Variants in PIEZO2 observed in about 807,000 individuals in gnomAD.
PIEZO2 encodes the protein piezo-type mechanosensitive ion channel component 2.
PIEZO2 carries 172 observed loss-of-function variants against 337.3 expected under a neutral mutation model. The observed-to-expected ratio is 0.51, with a 90% CI of 0.45 to 0.58. PIEZO2 has a LOEUF of 0.58. PIEZO2 is among the 20% of genes least tolerant of loss of function. The pLI is 0.00. For synonymous variants in PIEZO2, 1,251 were observed against 1,228.5 expected (o/e 1.02, Z -0.38); for missense variants, 3,028 against 3,391.3 (o/e 0.89, Z 2.66).
At chr18:10,735,382 T>C (rs896676663) in intron 34 of PIEZO2, among the ~76,000 whole-genome samples, 52 bp from the exon 35 acceptor site, 6 of 152,138 alleles carry the variant, frequency 3.9e-5, no homozygotes, top group Non-Finnish European at 7.4e-5. Context: ...CAAAAACTAG[T>C]AATTTAATAT....
rs1403852584 is a variant in PIEZO2 at position 10,797,516 on chromosome 18, C to T, written c.1385G>A (p.Arg462Gln). 3 of 1,536,682 alleles carry T rather than the reference C, an allele frequency of 2.0e-6. No homozygotes were observed. The highest frequency in any genetic ancestry group is 2.4e-5 in the East Asian group (1 of 40,866). Residue 462 changes from arginine (R) to glutamine (Q), a missense_variant, in exon 12 of 56, where the codon CGA becomes CAA. This residue lies in a region of PIEZO2 where 542 missense variants were observed against 605.6 expected (regional missense o/e 0.89). Transcript: ENST00000674853. ...TTCTTTCTCTTCCTCTTCCTCCTCT[C>T]GCTTTTCTAGATGGACGAATACTTT... ...WEPSDESSEK[R>Q]EEEEEEKEEF...
rs1416535783 is a variant in PIEZO2 at position 11,048,828 on chromosome 18, GT to G, written c.160+17298del. ...GTTGCCTGGCATATAGCTATACTGT[GT>G]TTCCTGTTTATTCTTCTTATAATTA... On this transcript the variant is annotated intron_variant, in intron 2 of 55. Transcript: ENST00000674853. This position sits in a 1 kb window ranked among gnomAD's most constrained non-coding sequence, Gnocchi z 4.5. Among the ~76,000 whole-genome samples, 1 of 152,126 alleles carries G rather than the reference GT, an allele frequency of 6.6e-6. No homozygotes were observed. The highest frequency in any genetic ancestry group is 1.5e-5 in the Non-Finnish European group (1 of 68,014).
At position 10,856,956 on chromosome 18, in the gene PIEZO2, T is replaced by C. The variant is rs1172010378; in HGVS notation, c.703+45A>G. ...CCATTTCTCTCATTCACCAAAGCAC[T>C]GCTTGTGCCTTTTGCTACGTGCAGC... On this transcript the variant is annotated intron_variant, in intron 6 of 55. Coordinates refer to ENST00000674853, the MANE Select transcript of PIEZO2 (RefSeq NM_001378183.1). The surrounding 1 kb of genome is among the most constrained non-coding windows in gnomAD (Gnocchi z 4.7). The C allele has an allele frequency of 6.7e-7, 1 of 1,491,474 alleles. No homozygotes were observed. The highest frequency in any genetic ancestry group is 9.0e-7 in the Non-Finnish European group (1 of 1,106,126). 92.4% of individuals were successfully genotyped at this position (1,491,474 alleles called of 1,614,324 possible). A position where few individuals can be genotyped will look rare whatever the true frequency, so the allele number is the denominator to read the frequency against.
intron 52 of PIEZO2, 74 bp downstream of exon 52, chr18:10,680,125 C>T: frequency 7.5e-7 from 1 of 1,331,356 alleles, no homozygotes; most frequent in South Asian, 1.4e-5. Context: ...TCCATCCCAC[C>T]ACACCCTCCC....
rs2034296142 is a variant in PIEZO2 at position 10,682,166 on chromosome 18, C to T, written c.7624G>A (p.Val2542Met). 1 of 1,537,042 alleles carries T rather than the reference C, an allele frequency of 6.5e-7. No individual in the cohort carries two copies. The highest frequency in any genetic ancestry group is 2.0e-5 in the Admixed American group (1 of 50,966). ...AGGGGCTGGTTGATGACCCCAGCCA[C>T]AGATTTGATCAAAGACATGAAGAGA... ...PLLFMSLIKS[V>M]AGVINQPLDV... Residue 2542 changes from valine to methionine, a missense_variant, in exon 50 of 56, where the codon GTG (valine) becomes ATG (methionine). This residue lies in a region of PIEZO2 where 179 missense variants were observed against 281.8 expected (regional missense o/e 0.64). Coordinates refer to ENST00000674853, the MANE Select transcript of PIEZO2 (RefSeq NM_001378183.1). The surrounding 1 kb of genome is among the most constrained non-coding windows in gnomAD (Gnocchi z 5.6).
At chr18:10,683,873 G>A (rs1468231178) in intron 49 of PIEZO2, among the ~76,000 whole-genome samples, 1 of 152,112 alleles carries the variant, frequency 6.6e-6, no homozygotes, top group Non-Finnish European at 1.5e-5. Context: ...CTCTCCTGAA[G>A]GCCAGTCTCT....
At chr18:11,103,804 T>TGTGTGCGTGTGTGCGTGTGTGC (rs2039484184) in intron 1 of PIEZO2, among the ~76,000 whole-genome samples, 1 of 151,008 alleles carries the variant, frequency 6.6e-6, no homozygotes, top group Non-Finnish European at 1.5e-5. Context: ...TGTGTGTGTG[T>TGTGTGCGTGTGTGCGTGTGTGC]GTGTGCGTGT....
At position 10,856,944 on chromosome 18, in the gene PIEZO2, T is replaced by C; in HGVS notation, c.703+57A>G. ...TTTCTTCTTCAACCATTTCTCTCAT[T>C]CACCAAAGCACTGCTTGTGCCTTTT... On this transcript the variant is annotated intron_variant, in intron 6 of 55. Transcript: ENST00000674853. This position sits in a 1 kb window ranked among gnomAD's most constrained non-coding sequence, Gnocchi z 4.7. 1 of 1,423,046 alleles carries C rather than the reference T, an allele frequency of 7.0e-7. No homozygotes were observed. The allele number at this position is 1,423,046 out of a possible 1,614,324, so 88.2% of individuals were successfully genotyped here.
chr18:10,907,064 A>T (rs1251177242), intron 4 of PIEZO2, among the ~76,000 whole-genome samples: 6 of 152,180 alleles, frequency 3.9e-5, no homozygotes, highest in African/African-American at 1.2e-4. Flanking sequence ...CTTCCCAGAA[A>T]TATTTGTGTA....
rs1347513136 is a variant in PIEZO2 at position 10,707,269 on chromosome 18, T to A, written c.5588+1006A>T. ...CCAGTAAGACTGTCATCAGTCCTAA[T>A]CATGCTCCCTTTGGTTTGGATCTCT... On this transcript the variant is annotated intron_variant, in intron 40 of 55. Transcript: ENST00000674853. The surrounding 1 kb of genome is among the most constrained non-coding windows in gnomAD (Gnocchi z 4.2). 6.6e-6 allele frequency among the ~76,000 whole-genome samples: 1 copy of A among 152,178 alleles called. No individual in the cohort carries two copies. The highest frequency in any genetic ancestry group is 1.5e-5 in the Non-Finnish European group (1 of 68,024).
At chr18:10,758,341 A>G (rs1024909808) in intron 26 of PIEZO2, among the ~76,000 whole-genome samples, 4 of 143,558 alleles carry the variant, frequency 2.8e-5, no homozygotes, top group Non-Finnish European at 6.3e-5. Context: ...GACCACAGAC[A>G]CTCCAGGAGC....
intron 1 of PIEZO2, among the ~76,000 whole-genome samples, chr18:11,122,018 A>G (rs184073078): frequency 2.3e-4 from 35 of 152,130 alleles, no homozygotes; most frequent in Non-Finnish European, 3.1e-4. Flanking sequence ...CAGTGGCGCT[A>G]TCTCGGCTCA....
In PIEZO2 at chr18:10,697,791, G is replaced by T. The variant is rs373485193; in HGVS notation, c.6784C>A (p.Leu2262Ile). Residue 2262 changes from leucine to isoleucine, a missense_variant, in exon 45 of 56, where the codon CTT (leucine) becomes ATT (isoleucine). Coordinates refer to ENST00000674853, the MANE Select transcript of PIEZO2 (RefSeq NM_001378183.1). ...TTTGCTTTGATTAAATGTTCTTGAA[G>T]CTTTTCCATATAAAGTTCCCTTTTG... ...KGKRELYMEKLQEHLIKAKAF... is the reference protein window; with the variant it reads ...KGKRELYMEKIQEHLIKAKAF... 3.7e-6 allele frequency: 6 copies of T among 1,614,150 alleles called. No homozygotes were observed. The South Asian group carries it at 6.6e-5, about 18-fold the overall frequency.
Position 11,001,276 on chromosome 18 carries a change from G to C in PIEZO2, c.161-21616C>G, listed in dbSNP as rs749347087. 2.6e-4 allele frequency among the ~76,000 whole-genome samples: 40 copies of C among 152,094 alleles called. No homozygotes were observed. Among genetic ancestry groups the C allele is most frequent in the Non-Finnish European group, 4.7e-4 (32 of 68,016 alleles). On this transcript the variant is annotated intron_variant, in intron 2 of 55. Coordinates refer to ENST00000674853, the MANE Select transcript of PIEZO2 (RefSeq NM_001378183.1). The surrounding 1 kb of genome is among the most constrained non-coding windows in gnomAD (Gnocchi z 5.3). ...GCTTATGGTGGATTTTTATGCATGG[G>C]TCATCTGGCCACGATTTCCTCAGCA... is the stretch of plus-strand genomic sequence containing the variant.
intron 12 of PIEZO2, among the ~76,000 whole-genome samples, chr18:10,796,804 C>T (rs1463162810): frequency 1.3e-5 from 2 of 152,160 alleles, no homozygotes; most frequent in Non-Finnish European, 2.9e-5. Context: ...TCATACATAC[C>T]ATCATATCAT....
intron 2 of PIEZO2, among the ~76,000 whole-genome samples, chr18:11,055,542 G>A (rs2037700236): frequency 6.6e-6 from 1 of 152,230 alleles, no homozygotes; most frequent in Non-Finnish European, 1.5e-5. Flanking sequence ...GAGAATTCCA[G>A]GCAAAGGGAG....
rs575369673 is a variant in PIEZO2 at position 10,861,059 on chromosome 18, T to G, written c.493-3848A>C. On this transcript the variant is annotated intron_variant, in intron 5 of 55. Coordinates refer to ENST00000674853, the MANE Select transcript of PIEZO2 (RefSeq NM_001378183.1). The surrounding 1 kb of genome is among the most constrained non-coding windows in gnomAD (Gnocchi z 4.3). ...TGCCATTAGTCACGTCAGGCTGGCT[T>G]ATTAACAGGCAGGCTTTTTCCCCCA... 1.6e-4 allele frequency among the ~76,000 whole-genome samples: 24 copies of G among 152,336 alleles called. No individual in the cohort carries two copies. Among genetic ancestry groups the G allele is most frequent in the African/African-American group, 5.8e-4 (24 of 41,584 alleles).
At chr18:10,731,215 A>ATATATATATATATATATC (rs1290190163) in intron 36 of PIEZO2, among the ~76,000 whole-genome samples, 192 bp downstream of exon 36, 6 of 128,742 alleles carry the variant, frequency 4.7e-5, no homozygotes, top group African/African-American at 1.8e-4. Flanking sequence ...ATATATATAT[A>ATATATATATATATATATC]TATCTCCTAA....
At chr18:10,827,964 A>C (rs2040726017) in intron 7 of PIEZO2, among the ~76,000 whole-genome samples, 1 of 152,324 alleles carries the variant, frequency 6.6e-6, no homozygotes, top group African/African-American at 2.4e-5. Flanking sequence ...AAAACATAAA[A>C]AAACTATTAA....
Sources: gnomAD v4.1 joint callset for allele counts (sites outside exome capture counted in the v4.1 genomes callset) on GRCh38, gnomAD v4.1.1 for gene constraint, gnomAD v4.1.1 regional missense constraint, Gnocchi (gnomAD v3.1) non-coding constraint, MANE v1.5 for transcripts, NCBI Gene and HGNC (gene_info 2026-07-23, HGNC 2026-07-21) for gene names.